The following WBP2 variants were observed in gnomAD, a reference collection of about 807,000 sequenced individuals.
WBP2 encodes WW domain-binding protein 2.
A neutral mutation model predicts 33.0 loss-of-function variants in WBP2; 23 were observed. That is an observed-to-expected ratio of 0.70 (90% confidence interval 0.50 to 0.99). The LOEUF is 0.99. Ranked by LOEUF, WBP2 falls within the 50% of genes least tolerant of loss-of-function variation. WBP2 has a pLI of 0.00. For missense variants in WBP2, 353 were observed against 358.0 expected (o/e 0.99, Z 0.11); for synonymous variants, 153 against 133.5 (o/e 1.15, Z -1.01).
intron 3 of WBP2, chr17:75,849,360 G>A (rs1156776856): frequency 2.1e-6 from 1 of 471,120 alleles, no homozygotes; most frequent in Non-Finnish European, 3.8e-6. Context: ...TAAGCATCTT[G>A]ACTCAGTCCG....
At chr17:75,848,100 G>A (rs2065006276) in intron 4 of WBP2, 170 bp from the exon 5 acceptor site, 1 of 912,156 alleles carries the variant, frequency 1.1e-6, no homozygotes, top group Admixed American at 2.2e-5. Flanking sequence ...ACCTTGGTCA[G>A]GGATGAGAGA....
chr17:75,847,212 C>T, intron 6 of WBP2: 1 of 677,364 alleles, frequency 1.5e-6, no homozygotes, highest in Non-Finnish European at 2.5e-6. Context: ...CCCCAGGTGC[C>T]ACTGTGACCG....
chr17:75,855,228 A>G lies in WBP2; in HGVS notation c.59+11T>C. On this transcript the variant is annotated intron_variant, in intron 1 of 7. Transcript: ENST00000254806. ...CTTTGGTCCTCCAGGATCCTTCCGC[A>G]GTGTTTTCACCTCTCGGTGTTATTG... 2 of 1,437,434 alleles carry G rather than the reference A, an allele frequency of 1.4e-6. No homozygotes were observed. The highest frequency in any genetic ancestry group is 6.2e-5 in the East Asian group (2 of 32,190). The allele number at this position is 1,437,434 out of a possible 1,614,324, so 89.0% of individuals were successfully genotyped here.
intron 2 of WBP2, 53 bp from the exon 3 acceptor site, chr17:75,849,792 C>G (rs2065016738): frequency 7.5e-6 from 12 of 1,599,970 alleles, no homozygotes; most frequent in Non-Finnish European, 1.0e-5. Flanking sequence ...CCCACGCTGC[C>G]ATGCTTCCCG....
chr17:75,848,296 GTTTT>G (rs2065007521), intron 4 of WBP2: 1 of 586,418 alleles, frequency 1.7e-6, no homozygotes, highest in Non-Finnish European at 3.0e-6. Flanking sequence ...TTTAGTGTTT[GTTTT>G]ATGAGGCCAT....
chr17:75,850,385 A>C (rs1292941165), intron 2 of WBP2, among the ~76,000 whole-genome samples: 1 of 151,744 alleles, frequency 6.6e-6, no homozygotes, highest in Non-Finnish European at 1.5e-5. Flanking sequence ...AGCTGGGACT[A>C]CAGGTGCCCG....
chr17:75,846,900 CCT>C lies in WBP2; in HGVS notation c.732+6_732+7del. ...TGGGGCTGCACCGGCACTGCCAAGC[CCT>C]CTCACCGTGGGCATGTAGACGTTGT... On this transcript the variant is annotated splice_donor_region_variant and intron_variant, in intron 7 of 7. Transcript: ENST00000254806. This position sits in a 1 kb window ranked among gnomAD's most constrained non-coding sequence, Gnocchi z 4.8. 1 of 1,614,096 alleles carries C rather than the reference CCT, an allele frequency of 6.2e-7. No individual in the cohort carries two copies. The highest frequency in any genetic ancestry group is 8.5e-7 in the Non-Finnish European group (1 of 1,179,980).
intron 3 of WBP2, chr17:75,849,384 A>G: frequency 1.8e-6 from 1 of 559,380 alleles, no homozygotes; most frequent in East Asian, 2.9e-5. Context: ...GCTTCTGCAG[A>G]CTTCACGCTC....
rs1473815324 is a variant in WBP2 at position 75,849,755 on chromosome 17, G to A, written c.169-16C>T. 5 of 1,613,356 alleles carry A rather than the reference G, an allele frequency of 3.1e-6. No homozygotes were observed. Among genetic ancestry groups the A allele is most frequent in the Non-Finnish European group, 4.2e-6 (5 of 1,179,908 alleles). ...GAAAGATGACCTGCAGGGAGAGAGG[G>A]TGAGGCCATCAGTACTAGAAGCACA... On this transcript the variant is annotated splice_polypyrimidine_tract_variant and intron_variant, in intron 2 of 7. Transcript: ENST00000254806.
rs114783882 is a variant in WBP2, at chr17:75,847,955, A to G, written c.398-25T>C. 7.4e-4 allele frequency: 1,159 copies of G among 1,559,260 alleles called. 10 individuals are homozygous for G. The African/African-American group carries it at 0.013, about 17-fold the overall frequency. On this transcript the variant is annotated intron_variant, in intron 4 of 7. Coordinates refer to ENST00000254806, the MANE Select transcript of WBP2 (RefSeq NM_012478.4). ...GCTACGAGTACAAGGGGAAAGAGAAATGAGCGTGGCCTGCCTTGGGGCGGG... is the reference window on the plus strand; with the variant it reads ...GCTACGAGTACAAGGGGAAAGAGAAGTGAGCGTGGCCTGCCTTGGGGCGGG...
Position 75,849,749 on chromosome 17 carries a change from G to C in WBP2, c.169-10C>G, listed in dbSNP as rs2065016435. The C allele has an allele frequency of 1.2e-6, 2 of 1,613,726 alleles. No individual in the cohort carries two copies. The highest frequency in any genetic ancestry group is 1.7e-4 in the Middle Eastern group (1 of 5,830). On this transcript the variant is annotated splice_polypyrimidine_tract_variant and intron_variant, in intron 2 of 7. Transcript: ENST00000254806. The stretch of plus-strand genomic sequence containing the variant: ...TGGACAGAAAGATGACCTGCAGGGA[G>C]AGAGGGTGAGGCCATCAGTACTAGA...
intron 5 of WBP2, 57 bp downstream of exon 5, chr17:75,847,739 G>A (rs974964016): frequency 1.3e-6 from 2 of 1,531,808 alleles, no homozygotes; most frequent in Admixed American, 1.9e-5. Flanking sequence ...CTGGCCTGGG[G>A]GGAGCCTGGG....
upstream of WBP2, among the ~76,000 whole-genome samples, chr17:75,855,643 C>T (rs1485448638): frequency 1.3e-5 from 2 of 152,220 alleles, no homozygotes; most frequent in African/African-American, 4.8e-5. Context: ...TGTGCCATCC[C>T]CACCCCGCCT....
intron 3 of WBP2, 97 bp downstream of exon 3, chr17:75,849,507 T>TA: frequency 6.7e-7 from 1 of 1,495,670 alleles, no homozygotes. Context: ...GCTAGGGCGA[T>TA]AAGGGTCTGA....
rs995765452 is a variant in WBP2 at position 75,846,512 on chromosome 17, C to T, written c.*222G>A. Reference sequence around the variant, plus strand: ...AGAGCCCCAGACGGTGAGGGAGGTACGCTGGGCAGCACTGTGGGCTCCGGG... The same window carrying T: ...AGAGCCCCAGACGGTGAGGGAGGTATGCTGGGCAGCACTGTGGGCTCCGGG... On this transcript the variant is annotated 3_prime_UTR_variant, in exon 8 of 8. Transcript: ENST00000254806. The surrounding 1 kb of genome is among the most constrained non-coding windows in gnomAD (Gnocchi z 4.8). 21 of 605,424 alleles carry T rather than the reference C, an allele frequency of 3.5e-5. No individual in the cohort carries two copies. Among genetic ancestry groups the T allele is most frequent in the South Asian group, 1.7e-4 (9 of 51,588 alleles). 37.5% of individuals were successfully genotyped at this position (605,424 alleles called of 1,614,324 possible).
rs768122389 is a variant in WBP2, at chr17:75,848,550, A to C, written c.397+20T>G. ...CATGTTTAGTGTGTCTTTAGCCCCT[A>C]ATCTTCGGAGCCTGGATACCTTGAG... On this transcript the variant is annotated intron_variant, in intron 4 of 7. Transcript: ENST00000254806. 1 of 1,610,190 alleles carries C rather than the reference A, an allele frequency of 6.2e-7. No homozygotes were observed. The highest frequency in any genetic ancestry group is 1.1e-5 in the South Asian group (1 of 90,722).
At chr17:75,847,138 C>T (rs186367282) in intron 6 of WBP2, 154 bp from the exon 7 acceptor site, 58 of 787,350 alleles carry the variant, frequency 7.4e-5, no homozygotes, top group Admixed American at 1.2e-4. Context: ...GCACATGCCA[C>T]GCGCTGGCAC....
intron 1 of WBP2, among the ~76,000 whole-genome samples, chr17:75,853,459 T>C (rs1176785518): frequency 2.6e-5 from 4 of 152,198 alleles, no homozygotes; most frequent in African/African-American, 7.2e-5. Flanking sequence ...ACACCTTACT[T>C]AGCAGGACTG....
intron 4 of WBP2, 71 bp downstream of exon 4, chr17:75,848,499 G>C: frequency 6.9e-7 from 1 of 1,458,998 alleles, no homozygotes; most frequent in Non-Finnish European, 9.5e-7. Flanking sequence ...AAAACGAAAA[G>C]GAAGCAAACT....
Sources: gnomAD v4.1 joint callset for allele counts (sites outside exome capture counted in the v4.1 genomes callset) on GRCh38, gnomAD v4.1.1 for gene constraint, Gnocchi (gnomAD v3.1) non-coding constraint, MANE v1.5 for transcripts, NCBI Gene and HGNC (gene_info 2026-07-23, HGNC 2026-07-21) for gene names.